Variants in SLCO3A1 observed in about 807,000 individuals in gnomAD.
SLCO3A1 encodes solute carrier organic anion transporter family member 3A1, also known as PGE1 transporter.
In SLCO3A1, 27 loss-of-function variants were observed where a neutral mutation model predicts 63.1. The observed-to-expected ratio is 0.43, with a 90% CI of 0.32 to 0.59. SLCO3A1 has a LOEUF of 0.59. SLCO3A1 is among the 20% of genes least tolerant of loss of function. The pLI, the probability that SLCO3A1 is intolerant of heterozygous loss-of-function variation, is 0.09. For synonymous variants in SLCO3A1, 473 were observed against 409.9 expected (o/e 1.15, Z -1.86); for missense variants, 773 against 945.8 (o/e 0.82, Z 2.40).
intron 2 of SLCO3A1, among the ~76,000 whole-genome samples, chr15:91,988,416 T>A (rs2046082449): frequency 6.6e-6 from 1 of 152,140 alleles, no homozygotes; most frequent in Admixed American, 6.5e-5. Flanking sequence ...AAATTAACAT[T>A]TAAAAATAAA....
chr15:92,017,487 C>T (rs886696696), intron 2 of SLCO3A1, among the ~76,000 whole-genome samples: 4 of 152,126 alleles, frequency 2.6e-5, no homozygotes, highest in Non-Finnish European at 4.4e-5. Context: ...GGGCTGGACA[C>T]GATGGCGCTC....
At chr15:91,979,311 G>T (rs144927919) in intron 2 of SLCO3A1, among the ~76,000 whole-genome samples, 36 of 152,276 alleles carry the variant, frequency 2.4e-4, no homozygotes, top group Admixed American at 7.2e-4. Context: ...ATAGCTTGAA[G>T]GTAATTTGAT....
intron 2 of SLCO3A1, among the ~76,000 whole-genome samples, chr15:92,003,986 G>A (rs1339976684): frequency 1.3e-5 from 2 of 152,182 alleles, no homozygotes; most frequent in African/African-American, 2.4e-5. Flanking sequence ...TCTGATAATC[G>A]TCCAGATTAA....
chr15:91,867,846 G>C (rs1897202802), intron 1 of SLCO3A1, among the ~76,000 whole-genome samples: 1 of 152,190 alleles, frequency 6.6e-6, no homozygotes, highest in Non-Finnish European at 1.5e-5. Context: ...GCCTGTGGAG[G>C]TTTCCTTTCA....
intron 2 of SLCO3A1, among the ~76,000 whole-genome samples, chr15:92,007,961 C>T (rs1323035573): frequency 6.6e-6 from 1 of 152,114 alleles, no homozygotes; most frequent in African/African-American, 2.4e-5. Context: ...ATACTGACAG[C>T]CTTGAGGACT....
At chr15:92,131,434 G>A (rs1228657629) in intron 7 of SLCO3A1, among the ~76,000 whole-genome samples, 1 of 108,614 alleles carries the variant, frequency 9.2e-6, no homozygotes, top group South Asian at 2.6e-4. Flanking sequence ...GCACAACCTC[G>A]GCTCACTGCA....
intron 9 of SLCO3A1, among the ~76,000 whole-genome samples, chr15:92,154,155 G>A (rs1017449986): frequency 2.0e-5 from 3 of 152,216 alleles, no homozygotes; most frequent in Non-Finnish European, 4.4e-5. Flanking sequence ...GTGCTCGCAG[G>A]ATGGGGAGAG....
chr15:92,089,724 G>A (rs567321848), intron 2 of SLCO3A1, among the ~76,000 whole-genome samples: 57 of 152,206 alleles, frequency 3.7e-4, no homozygotes, highest in African/African-American at 1.3e-3. Context: ...TATATAGTGC[G>A]GGAAAAGGCA....
At position 91,941,697 on chromosome 15, in the gene SLCO3A1, C is replaced by T. The variant is rs897846703; in HGVS notation, c.646+25239C>T. The T allele has an allele frequency of 8.0e-6, 3 of 374,874 alleles. No homozygotes were observed. Among genetic ancestry groups the T allele is most frequent in the Admixed American group, 7.5e-5 (2 of 26,736 alleles). The allele number at this position is 374,874 out of a possible 1,614,324, so 23.2% of individuals were successfully genotyped here. On this transcript the variant is annotated intron_variant, in intron 2 of 9. Coordinates refer to ENST00000318445, the MANE Select transcript of SLCO3A1 (RefSeq NM_013272.4). The surrounding 1 kb of genome is among the most constrained non-coding windows in gnomAD (Gnocchi z 4.4). ...CTTTGTCTTTAAAAAAATTATTTTTCCTCCTTTTTAATTTTTATGTTTAAA... is the reference window on the plus strand; with the variant it reads ...CTTTGTCTTTAAAAAAATTATTTTTTCTCCTTTTTAATTTTTATGTTTAAA...
chr15:92,126,216 G>C lies in SLCO3A1; in HGVS notation c.1330G>C (p.Asp444His). ...CGTCTCCTTCCTCTTCCTGGGCTGC[G>C]ACACTGGCCCTGTGGCTGGGGTTAC... is the stretch of plus-strand genomic sequence containing the variant. ...CYVSFLFLGC[D>H]TGPVAGVTVP... is the part of the protein sequence containing the mutation. Residue 444 changes from aspartate (D) to histidine (H), a missense_variant, in exon 6 of 10, where the codon GAC becomes CAC. Coordinates refer to ENST00000318445, the MANE Select transcript of SLCO3A1 (RefSeq NM_013272.4). 2 of 1,614,002 alleles carry C rather than the reference G, an allele frequency of 1.2e-6. No individual in the cohort carries two copies. Among genetic ancestry groups the C allele is most frequent in the Non-Finnish European group, 1.7e-6 (2 of 1,179,996 alleles).
rs781087131 is a variant in SLCO3A1, at chr15:92,162,898, G to A, written c.1896G>A (p.Ala632=). The A allele has an allele frequency of 1.6e-5, 26 of 1,614,056 alleles. No individual in the cohort carries two copies. The highest frequency in any genetic ancestry group is 9.9e-5 in the South Asian group (9 of 91,086). Reference sequence around the variant, plus strand: ...ACCTGTATGTCAGCATCGCCATCGCGCTCAAATCCTTCGCCTTCATCCTGT... The same window carrying A: ...ACCTGTATGTCAGCATCGCCATCGCACTCAAATCCTTCGCCTTCATCCTGT... ...YRYLYVSIAI[A]LKSFAFILYT... is the part of the protein sequence containing the mutation. The change falls in exon 10 of 10, where the codon GCG becomes GCA. Residue 632 remains alanine, a synonymous_variant. Transcript: ENST00000318445.
intron 2 of SLCO3A1, among the ~76,000 whole-genome samples, chr15:91,959,857 TACTC>T (rs1900377050): frequency 1.3e-5 from 2 of 152,194 alleles, no homozygotes; most frequent in Non-Finnish European, 2.9e-5. Flanking sequence ...TGGAACCTCT[TACTC>T]ACTAGCAATC....
chr15:91,911,833 G>A lies in SLCO3A1; in HGVS notation c.181-4160G>A, dbSNP rs554426472. Among the ~76,000 whole-genome samples, 5 of 152,106 alleles carry A rather than the reference G, an allele frequency of 3.3e-5. No individual in the cohort carries two copies. In the South Asian group the frequency reaches 1.0e-3, roughly 32 times the overall value. On this transcript the variant is annotated intron_variant, in intron 1 of 9. Coordinates refer to ENST00000318445, the MANE Select transcript of SLCO3A1 (RefSeq NM_013272.4). ...GTAGAGATGGGGTTTCACCATGTTGGCCAGGATAGTCTCGATCTCTTGACC... is the reference window on the plus strand; with the variant it reads ...GTAGAGATGGGGTTTCACCATGTTGACCAGGATAGTCTCGATCTCTTGACC...
chr15:92,165,609 A>G lies in SLCO3A1; in HGVS notation c.*2474A>G, dbSNP rs1422103365. ...GTTAGAATAACAGGAAGACAACTCCAGGGCTGAGTTTTATCAGCAATTGGG... is the reference window on the plus strand; with the variant it reads ...GTTAGAATAACAGGAAGACAACTCCGGGGCTGAGTTTTATCAGCAATTGGG... On this transcript the variant is annotated 3_prime_UTR_variant, in exon 10 of 10. Transcript: ENST00000318445. 12 of 985,272 alleles carry G rather than the reference A, an allele frequency of 1.2e-5. No homozygotes were observed. The highest frequency in any genetic ancestry group is 1.4e-5 in the Non-Finnish European group (12 of 829,864). 61.0% of individuals were successfully genotyped at this position (985,272 alleles called of 1,614,324 possible). A position where few individuals can be genotyped will look rare whatever the true frequency, so the allele number is the denominator to read the frequency against.
At chr15:92,139,187 G>C (rs994937466) in intron 7 of SLCO3A1, among the ~76,000 whole-genome samples, 2 of 150,446 alleles carry the variant, frequency 1.3e-5, no homozygotes, top group African/African-American at 4.9e-5. Flanking sequence ...TAGCATGAAG[G>C]GTTGTTGAAT....
intron 2 of SLCO3A1, among the ~76,000 whole-genome samples, chr15:91,955,610 G>A (rs1392017014): frequency 2.6e-5 from 4 of 152,168 alleles, no homozygotes; most frequent in Non-Finnish European, 1.5e-5. Flanking sequence ...GGGATTACAG[G>A]CACGAGCCAC....
intron 1 of SLCO3A1, among the ~76,000 whole-genome samples, chr15:91,866,785 C>G (rs1017608794): frequency 1.3e-5 from 2 of 151,908 alleles, no homozygotes; most frequent in Non-Finnish European, 2.9e-5. Context: ...AGGTCCTGGG[C>G]CAGGTGGCAG....
intron 9 of SLCO3A1, among the ~76,000 whole-genome samples, chr15:92,159,462 C>G (rs2048410243): frequency 6.6e-6 from 1 of 151,292 alleles, no homozygotes; most frequent in African/African-American, 2.4e-5. Context: ...TCCAGCCTGG[C>G]CACAGAACGA....
intron 1 of SLCO3A1, 126 bp from the exon 2 acceptor site, chr15:91,915,867 C>A: frequency 1.3e-6 from 1 of 752,320 alleles, no homozygotes; most frequent in Non-Finnish European, 2.3e-6. Flanking sequence ...CCTTTTTGCA[C>A]CTGGCACCGG....
Sources: gnomAD v4.1 joint callset for allele counts (sites outside exome capture counted in the v4.1 genomes callset) on GRCh38, gnomAD v4.1.1 for gene constraint, Gnocchi (gnomAD v3.1) non-coding constraint, MANE v1.5 for transcripts, NCBI Gene and HGNC (gene_info 2026-07-23, HGNC 2026-07-21) for gene names.